Variants in GPC3 observed in about 807,000 individuals in gnomAD.
The protein encoded by GPC3 is glypican-3.
Under a neutral mutation model 34.4 loss-of-function variants are expected in GPC3, and 3 were observed. That is an observed-to-expected ratio of 0.09 (90% CI 0.04 to 0.23). GPC3 has a LOEUF of 0.23. GPC3 is among the 10% of genes least tolerant of loss of function. The pLI, the probability that GPC3 is intolerant of heterozygous loss-of-function variation, is 1.00. For synonymous variants in GPC3, 177 were observed against 174.0 expected, an observed-to-expected ratio of 1.02 and a Z score of -0.13; for missense variants, 351 against 445.6, an observed-to-expected ratio of 0.79 and a Z score of 1.91.
At chrX:133,809,589 C>T (rs772018879) in intron 2 of GPC3, among the ~76,000 whole-genome samples, 1 of 111,712 alleles carries the variant, frequency 9.0e-6, no homozygotes, top group Non-Finnish European at 1.9e-5. Flanking sequence ...ACAGAACATC[C>T]TCCTACTCAG....
At chrX:133,665,893 C>T (rs745385712) in intron 5 of GPC3, among the ~76,000 whole-genome samples, 7 of 111,859 alleles carry the variant, frequency 6.3e-5, no homozygotes, top group Admixed American at 2.9e-4. Context: ...AGGTAAGGCT[C>T]ATTATAAATC....
chrX:133,634,390 C>A (rs906640162), intron 6 of GPC3, among the ~76,000 whole-genome samples: 1 of 112,141 alleles, frequency 8.9e-6, no homozygotes, highest in East Asian at 2.8e-4. Context: ...ATGTTCACAG[C>A]GGCATTATTC....
chrX:133,747,564 T>C (rs1013691776), intron 3 of GPC3, among the ~76,000 whole-genome samples: 1 of 111,868 alleles, frequency 8.9e-6, no homozygotes, highest in Non-Finnish European at 1.9e-5. Flanking sequence ...GAAAAAAGAT[T>C]CTGCTGAAGA....
chrX:133,597,081 A>G (rs1424806382), intron 6 of GPC3, among the ~76,000 whole-genome samples: 1 of 112,199 alleles, frequency 8.9e-6, no homozygotes, highest in Non-Finnish European at 1.9e-5. Flanking sequence ...CACATGTACA[A>G]TGACTACTTA....
At chrX:133,544,806 C>T (rs772676786) in intron 7 of GPC3, among the ~76,000 whole-genome samples, 2 of 112,242 alleles carry the variant, frequency 1.8e-5, no homozygotes, top group Admixed American at 1.9e-4. Flanking sequence ...GCTAGGATTA[C>T]AGGCGTGAGC....
At chrX:133,641,643 C>T (rs768357386) in intron 6 of GPC3, among the ~76,000 whole-genome samples, 8 of 111,488 alleles carry the variant, frequency 7.2e-5, no homozygotes, top group African/African-American at 2.3e-4. Flanking sequence ...CTGGCACACT[C>T]CCTAGTTCAT....
chrX:133,835,793 G>C (rs754451422), intron 2 of GPC3, among the ~76,000 whole-genome samples: 1 of 112,525 alleles, frequency 8.9e-6, no homozygotes, highest in African/African-American at 3.2e-5. Context: ...AAATAAACGT[G>C]TTACTTCTAT....
chrX:133,633,789 C>T (rs1037702143), intron 6 of GPC3, among the ~76,000 whole-genome samples: 2 of 112,043 alleles, frequency 1.8e-5, no homozygotes, highest in Non-Finnish European at 3.8e-5. Context: ...AGGAGAGAAA[C>T]TCTATTCCTA....
At chrX:133,944,082 G>A (rs778395590) in intron 2 of GPC3, among the ~76,000 whole-genome samples, 2 of 109,101 alleles carry the variant, frequency 1.8e-5, no homozygotes, top group African/African-American at 3.4e-5. Flanking sequence ...GTGTGAGAGT[G>A]TATGTATATA....
Position 133,700,045 on chromosome X carries a change from A to T in GPC3, c.1033-17T>A, listed in dbSNP as rs773855411. 2.6e-6 allele frequency: 3 copies of T among 1,158,033 alleles called. No homozygotes were observed. Among genetic ancestry groups the T allele is most frequent in the Admixed American group, 4.4e-5 (2 of 45,567 alleles). ...CTTGCCAATCTGAAAAAAGAAATGC[A>T]ATATAATTATATGATACTTGTGCAG... On this transcript the variant is annotated splice_polypyrimidine_tract_variant and intron_variant, in intron 3 of 7. Transcript: ENST00000370818.
At chrX:133,978,333 C>T (rs1150185) in intron 1 of GPC3, among the ~76,000 whole-genome samples, 21,106 of 111,300 alleles carry the variant, frequency 0.19, 1,732 homozygotes, top group East Asian at 0.43. Context: ...TGTATGTTTC[C>T]GTAACTGGCA....
intron 3 of GPC3, among the ~76,000 whole-genome samples, chrX:133,703,521 T>C (rs759082461): frequency 2.9e-5 from 3 of 105,228 alleles, no homozygotes; most frequent in South Asian, 9.2e-4. Flanking sequence ...AGTGCAGTGG[T>C]GCAATCTCGG....
intron 2 of GPC3, among the ~76,000 whole-genome samples, chrX:133,889,735 A>C (rs955906628): frequency 9.1e-6 from 1 of 109,789 alleles, no homozygotes. Context: ...TAGAAAACAC[A>C]GATAAAAAAG....
intron 1 of GPC3, among the ~76,000 whole-genome samples, chrX:133,982,724 A>T (rs1490722273): frequency 8.9e-6 from 1 of 112,005 alleles, no homozygotes; most frequent in Non-Finnish European, 1.9e-5. Context: ...ATCTGGGACA[A>T]AGAAAGCTTT....
chrX:133,550,869 C>A (rs1287985766), intron 7 of GPC3, among the ~76,000 whole-genome samples: 2 of 112,082 alleles, frequency 1.8e-5, no homozygotes, highest in Non-Finnish European at 3.8e-5. Flanking sequence ...CTGAGCAATA[C>A]TCAGTCCTCA....
intron 4 of GPC3, among the ~76,000 whole-genome samples, chrX:133,697,975 T>C (rs1463723358): frequency 1.8e-5 from 2 of 111,966 alleles, no homozygotes; most frequent in Non-Finnish European, 3.8e-5. Context: ...AATATGTAGA[T>C]ATAATTTCAC....
At chrX:133,862,639 G>A (rs907223630) in intron 2 of GPC3, among the ~76,000 whole-genome samples, 1 of 110,108 alleles carries the variant, frequency 9.1e-6, no homozygotes, top group Non-Finnish European at 1.9e-5. Flanking sequence ...GCAGTGAGCC[G>A]AGATCGCACC....
intron 6 of GPC3, among the ~76,000 whole-genome samples, chrX:133,646,910 TCTG>T (rs1234611775): frequency 8.9e-6 from 1 of 111,736 alleles, no homozygotes; most frequent in African/African-American, 3.3e-5. Context: ...TTGAGGACCT[TCTG>T]AACTGATGTA....
chrX:133,785,173 C>A (rs1209388481), intron 2 of GPC3, among the ~76,000 whole-genome samples: 1 of 111,239 alleles, frequency 9.0e-6, no homozygotes, highest in Non-Finnish European at 1.9e-5. Flanking sequence ...ACTTTTACCC[C>A]AGGTCTGATT....
Sources: allele counts gnomAD v4.1 joint callset (sites outside exome capture counted in the v4.1 genomes callset), GRCh38; gene constraint gnomAD v4.1.1; transcripts MANE v1.5; gene names NCBI Gene and HGNC (gene_info 2026-07-23, HGNC 2026-07-21).